Variants in KCNJ3 observed in about 807,000 individuals in gnomAD.
The protein encoded by KCNJ3 is potassium inwardly rectifying channel subfamily J member 3, also known as G protein-activated inward rectifier potassium channel 1.
A neutral mutation model predicts 39.2 loss-of-function variants in KCNJ3; 4 were observed. The ratio of observed to expected loss-of-function variants is 0.10; its 90% confidence interval spans 0.05 to 0.23. The LOEUF (loss-of-function observed/expected upper bound fraction) is 0.23, where lower values mean the gene tolerates loss of function less well. Among genes scored for constraint, KCNJ3 ranks in the 10% least tolerant of loss-of-function variants. KCNJ3 has a pLI of 1.00. For missense variants in KCNJ3, 276 were observed against 634.9 expected (o/e 0.43, Z 6.08); for synonymous variants, 230 against 237.4 (o/e 0.97, Z 0.29).
intron 2 of KCNJ3, among the ~76,000 whole-genome samples, chr2:154,853,122 G>A (rs1317998641): frequency 7.3e-5 from 11 of 150,002 alleles, no homozygotes; most frequent in African/African-American, 2.7e-4. Flanking sequence ...TTCTCAACAG[G>A]ACCATATTGA....
At chr2:154,773,586 C>T (rs1324800052) in intron 2 of KCNJ3, among the ~76,000 whole-genome samples, 2 of 152,054 alleles carry the variant, frequency 1.3e-5, no homozygotes, top group African/African-American at 4.8e-5. Flanking sequence ...ACGATTAAGC[C>T]AGTGTCATGT....
At position 154,699,727 on chromosome 2, in the gene KCNJ3, T is replaced by C. The variant is rs114931888; in HGVS notation, c.702+250T>C. The C allele has an allele frequency of 2.4e-3, 436 of 181,844 alleles. 2 individuals are homozygous for C. The highest frequency in any genetic ancestry group is 3.7e-3 in the Admixed American group (57 of 15,336). The allele number at this position is 181,844 out of a possible 1,614,324, so 11.3% of individuals were successfully genotyped here. ...GATCTGCTTGTATCACTTACTGGACTAGTAACACGTGAGGACTGCTGTTGG... is the reference window on the plus strand; with the variant it reads ...GATCTGCTTGTATCACTTACTGGACCAGTAACACGTGAGGACTGCTGTTGG... On this transcript the variant is annotated intron_variant, in intron 1 of 2. Coordinates refer to ENST00000295101, the MANE Select transcript of KCNJ3 (RefSeq NM_002239.4). The surrounding 1 kb of genome is among the most constrained non-coding windows in gnomAD (Gnocchi z 6.4).
intron 2 of KCNJ3, among the ~76,000 whole-genome samples, chr2:154,838,479 C>T (rs1201306722): frequency 6.6e-6 from 1 of 152,094 alleles, no homozygotes; most frequent in South Asian, 2.1e-4. Flanking sequence ...ACAGTACATA[C>T]TTCCTAGGGT....
chr2:154,756,360 C>A (rs1685936164), intron 2 of KCNJ3, among the ~76,000 whole-genome samples: 1 of 152,062 alleles, frequency 6.6e-6, no homozygotes, highest in African/African-American at 2.4e-5. Flanking sequence ...CTCTGATATC[C>A]TCCAGCCTAA....
At chr2:154,839,110 C>T (rs555646312) in intron 2 of KCNJ3, among the ~76,000 whole-genome samples, 2 of 152,242 alleles carry the variant, frequency 1.3e-5, no homozygotes, top group South Asian at 2.1e-4. Context: ...CCCCACCTCC[C>T]GATAGGCCCT....
chr2:154,765,485 C>T (rs1028289045), intron 2 of KCNJ3, among the ~76,000 whole-genome samples: 3 of 152,186 alleles, frequency 2.0e-5, no homozygotes, highest in Non-Finnish European at 4.4e-5. Flanking sequence ...TACTGTATTT[C>T]TAGTGCCTAG....
intron 2 of KCNJ3, among the ~76,000 whole-genome samples, chr2:154,760,663 T>C (rs2921441): frequency 0.5 from 75,719 of 151,020 alleles, 19,191 homozygotes; most frequent in African/African-American, 0.53. Context: ...AACTGATCCT[T>C]TCACTTCAGC....
chr2:154,774,388 T>TGGTG (rs200256113), intron 2 of KCNJ3, among the ~76,000 whole-genome samples: 1 of 151,480 alleles, frequency 6.6e-6, no homozygotes, highest in African/African-American at 2.4e-5. Context: ...TTGCATTGCT[T>TGGTG]CAAGTGTTTT....
chr2:154,835,418 TTATA>T (rs1687439433), intron 2 of KCNJ3, among the ~76,000 whole-genome samples: 1 of 134,078 alleles, frequency 7.5e-6, no homozygotes, highest in African/African-American at 2.9e-5. Flanking sequence ...AATTTGCAGA[TTATA>T]TATGAATATA....
intron 2 of KCNJ3, among the ~76,000 whole-genome samples, chr2:154,720,059 T>C (rs1685244009): frequency 1.3e-5 from 2 of 152,076 alleles, no homozygotes; most frequent in African/African-American, 4.8e-5. Flanking sequence ...TATTGCAGTA[T>C]TGAAAATACA....
At chr2:154,745,203 A>T (rs949227505) in intron 2 of KCNJ3, among the ~76,000 whole-genome samples, 2 of 151,922 alleles carry the variant, frequency 1.3e-5, no homozygotes, top group Middle Eastern at 3.2e-3. Context: ...TTTGATGTTA[A>T]TTGGTGGAAT....
intron 2 of KCNJ3, among the ~76,000 whole-genome samples, chr2:154,731,231 G>A (rs1001915894): frequency 6.6e-6 from 1 of 152,068 alleles, no homozygotes; most frequent in Non-Finnish European, 1.5e-5. Flanking sequence ...GTGAGACAGG[G>A]TGTGAGAACT....
chr2:154,709,616 C>T lies in KCNJ3; in HGVS notation c.716C>T (p.Pro239Leu), dbSNP rs1235457882. 1 of 1,613,618 alleles carries T rather than the reference C, an allele frequency of 6.2e-7. No individual in the cohort carries two copies. The highest frequency in any genetic ancestry group is 8.5e-7 in the Non-Finnish European group (1 of 1,179,790). ...GTGCTTGTCTAGTCTCGGCAGACAC[C>T]TGAGGGTGAGTTCCTTCCCCTTGAC... Reference protein sequence around the residue: ...RCKLLKSRQTPEGEFLPLDQL... With the variant: ...RCKLLKSRQTLEGEFLPLDQL... The change falls in exon 2 of 3, where the codon CCT (proline) becomes CTT (leucine). Residue 239 changes from proline to leucine, a missense_variant. Transcript: ENST00000295101.
At chr2:154,842,103 C>T (rs1244450488) in intron 2 of KCNJ3, among the ~76,000 whole-genome samples, 1 of 152,166 alleles carries the variant, frequency 6.6e-6, no homozygotes, top group East Asian at 1.9e-4. Context: ...CCTCTACAAG[C>T]TGCTTTAAAT....
intron 2 of KCNJ3, among the ~76,000 whole-genome samples, chr2:154,802,054 T>C (rs1458903957): frequency 6.6e-6 from 1 of 152,208 alleles, no homozygotes; most frequent in African/African-American, 2.4e-5. Context: ...GCTTTGGGAT[T>C]TTCTCCTGCT....
chr2:154,737,954 T>A lies in KCNJ3; in HGVS notation c.919+28135T>A, dbSNP rs533163607. On this transcript the variant is annotated intron_variant, in intron 2 of 2. Transcript: ENST00000295101. ...AGGAGGCAAAAGAAAGAAAACTACA[T>A]TAAGACATACCATGATTAAATTCGT... is the stretch of plus-strand genomic sequence containing the variant. Among the ~76,000 whole-genome samples, 5 of 152,256 alleles carry A rather than the reference T, an allele frequency of 3.3e-5. No homozygotes were observed. In the East Asian group the frequency reaches 9.7e-4, roughly 29 times the overall value.
chr2:154,714,579 A>T (rs759585697), intron 2 of KCNJ3, among the ~76,000 whole-genome samples: 1 of 152,018 alleles, frequency 6.6e-6, no homozygotes, highest in Non-Finnish European at 1.5e-5. Flanking sequence ...TTCTAGGCCA[A>T]TTTTTTCCAC....
intron 2 of KCNJ3, among the ~76,000 whole-genome samples, chr2:154,777,645 C>CT (rs1433999716): frequency 1.3e-5 from 2 of 152,188 alleles, no homozygotes; most frequent in Admixed American, 1.3e-4. Context: ...CCCACCCCCA[C>CT]TGTGTGGTAT....
chr2:154,722,303 G>A lies in KCNJ3; in HGVS notation c.919+12484G>A, dbSNP rs1685274972. 1.3e-5 allele frequency among the ~76,000 whole-genome samples: 2 copies of A among 152,122 alleles called. 1 individual carries two copies. Among genetic ancestry groups the A allele is most frequent in the South Asian group, 4.1e-4 (2 of 4,826 alleles). On this transcript the variant is annotated intron_variant, in intron 2 of 2. Transcript: ENST00000295101. ...CAGTATAATTCATAATCCAGTGAGA[G>A]ACAAAAACATGTACACAGGCAGTGA...
Sources: gnomAD v4.1 joint callset for allele counts (sites outside exome capture counted in the v4.1 genomes callset) on GRCh38, gnomAD v4.1.1 for gene constraint, Gnocchi (gnomAD v3.1) non-coding constraint, MANE v1.5 for transcripts, NCBI Gene and HGNC (gene_info 2026-07-23, HGNC 2026-07-21) for gene names.